SETDB1: variants seen among roughly 807,000 people sequenced by gnomAD.
SETDB1 encodes SET domain bifurcated histone lysine methyltransferase 1, also known as histone-lysine N-methyltransferase SETDB1.
Under a neutral mutation model 137.4 loss-of-function variants are expected in SETDB1, and 31 were observed. That is an observed-to-expected ratio of 0.23 (90% CI 0.17 to 0.30). SETDB1 has a LOEUF of 0.30. Among genes scored for constraint, SETDB1 ranks in the 10% least tolerant of loss-of-function variants. SETDB1 has a pLI of 1.00. For missense variants in SETDB1, 1,113 were observed against 1,631.5 expected (o/e 0.68, Z 5.47); for synonymous variants, 548 against 579.9 (o/e 0.95, Z 0.79).
chr1:150,940,896 G>A (rs1670120603), intron 4 of SETDB1, among the ~76,000 whole-genome samples: 2 of 152,076 alleles, frequency 1.3e-5, no homozygotes, highest in Admixed American at 1.3e-4. Flanking sequence ...TGCTTTGGAG[G>A]TTGAGACAGG....
intron 4 of SETDB1, 86 bp downstream of exon 4, chr1:150,940,060 T>G: frequency 2.2e-6 from 2 of 899,232 alleles, no homozygotes; most frequent in East Asian, 2.4e-5. Flanking sequence ...TCAGTTTAGC[T>G]GTCAGTATCT....
Position 150,927,962 on chromosome 1 carries a change from A to C in SETDB1, c.248A>C (p.Asp83Ala). Residue 83 changes from aspartate (D) to alanine (A), a missense_variant, in exon 2 of 22, where the codon GAT becomes GCT. Transcript: ENST00000692827. ...GTGGCTCACGTTGACCAACTCTTTG[A>C]TGATGCATCCAGGTGAGAACTCCAT... is the stretch of plus-strand genomic sequence containing the variant. The part of the protein sequence containing the change: ...SEVAHVDQLF[D>A]DASRAVTNCE... The C allele has an allele frequency of 6.2e-7, 1 of 1,614,206 alleles. No homozygotes were observed. The highest frequency in any genetic ancestry group is 8.5e-7 in the Non-Finnish European group (1 of 1,180,010).
chr1:150,963,278 C>A, intron 19 of SETDB1, 139 bp downstream of exon 19: 4 of 804,460 alleles, frequency 5.0e-6, no homozygotes, highest in Non-Finnish European at 5.9e-6. Flanking sequence ...GGCTTTCTGA[C>A]TCCAAGCTAA....
intron 15 of SETDB1, among the ~76,000 whole-genome samples, chr1:150,959,995 C>G (rs909286866): frequency 6.6e-6 from 1 of 151,838 alleles, no homozygotes; most frequent in African/African-American, 2.4e-5. Context: ...ATCACTTGAA[C>G]CCTTGAGGCA....
chr1:150,940,552 A>G (rs1484726120), intron 4 of SETDB1, among the ~76,000 whole-genome samples: 1 of 148,892 alleles, frequency 6.7e-6, no homozygotes, highest in Non-Finnish European at 1.5e-5. Context: ...TGGGGGACAG[A>G]GCAAGACTCT....
rs190179197 is a variant in SETDB1, at chr1:150,927,513, G to A, written c.-11-191G>A. Among the ~76,000 whole-genome samples the A allele has an allele frequency of 5.9e-5, 9 of 152,254 alleles. No homozygotes were observed. The South Asian group carries it at 1.5e-3, about 25-fold the overall frequency. On this transcript the variant is annotated intron_variant, in intron 1 of 21. Transcript: ENST00000692827. ...TTAAATCTTTTTCAGGAGTGTTAGC[G>A]TACAGCAGAAGATAAGAACTCTTAA...
At chr1:150,946,589 C>T (rs1210340011) in intron 9 of SETDB1, among the ~76,000 whole-genome samples, 1 of 152,094 alleles carries the variant, frequency 6.6e-6, no homozygotes, top group Non-Finnish European at 1.5e-5. Flanking sequence ...ACTGGGATTA[C>T]AGGCATGCGC....
rs181959062 is a variant in SETDB1, at chr1:150,935,520, C to T, written c.413-4420C>T. Among the ~76,000 whole-genome samples, 51 of 152,080 alleles carry T rather than the reference C, an allele frequency of 3.4e-4. No homozygotes were observed. The East Asian group carries it at 9.6e-3, about 29-fold the overall frequency. On this transcript the variant is annotated intron_variant, in intron 3 of 21. Transcript: ENST00000692827. ...TTGACATTCATCTTTTCACAAGTCT[C>T]TGAAGCTTTGTTCATTTTTCTTCAA...
At chr1:150,944,851 G>A in intron 8 of SETDB1, 67 bp from the exon 9 acceptor site, 1 of 1,560,070 alleles carries the variant, frequency 6.4e-7, no homozygotes, top group African/African-American at 1.4e-5. Flanking sequence ...ATGTCTCCTG[G>A]CCAAGTCTTT....
chr1:150,962,820 T>TA, intron 18 of SETDB1, 101 bp downstream of exon 18: 2 of 1,473,028 alleles, frequency 1.4e-6, no homozygotes, highest in Non-Finnish European at 1.9e-6. Flanking sequence ...TTCTCCTACT[T>TA]CTTTAGCCTT....
chr1:150,962,888 T>C, intron 18 of SETDB1, 86 bp from the exon 19 acceptor site: 1 of 1,536,666 alleles, frequency 6.5e-7, no homozygotes, highest in Non-Finnish European at 8.9e-7. Context: ...CCACCGCCCT[T>C]TCCTGCCAAA....
chr1:150,960,493 A>C, intron 15 of SETDB1, 70 bp from the exon 16 acceptor site: 2 of 1,356,380 alleles, frequency 1.5e-6, no homozygotes, highest in Non-Finnish European at 2.0e-6. Context: ...AAAAAAAAAA[A>C]AAGCAAACAA....
chr1:150,935,555 T>A (rs897142154), intron 3 of SETDB1, among the ~76,000 whole-genome samples: 4 of 152,176 alleles, frequency 2.6e-5, no homozygotes, highest in African/African-American at 7.2e-5. Context: ...ATTTTCTCTC[T>A]GTGCTTTGGA....
At chr1:150,953,502 G>C (rs1670554492) in intron 14 of SETDB1, among the ~76,000 whole-genome samples, 1 of 150,440 alleles carries the variant, frequency 6.6e-6, no homozygotes, top group African/African-American at 2.4e-5. Flanking sequence ...CTCCAGCCTG[G>C]GCAAGAAAAG....
At chr1:150,948,930 G>T (rs971905337) in intron 10 of SETDB1, among the ~76,000 whole-genome samples, 192 bp from the exon 11 acceptor site, 2 of 151,952 alleles carry the variant, frequency 1.3e-5, no homozygotes, top group Non-Finnish European at 2.9e-5. Flanking sequence ...TGTTGGCCAG[G>T]CTGGTCTCAA....
chr1:150,937,056 C>T (rs912238941), intron 3 of SETDB1, among the ~76,000 whole-genome samples: 4 of 152,100 alleles, frequency 2.6e-5, no homozygotes, highest in African/African-American at 4.8e-5. Flanking sequence ...ACCCGGGAGG[C>T]GGAGGTTGCT....
rs1407672045 is a variant in SETDB1 at position 150,960,657 on chromosome 1, C to T, written c.2598C>T (p.Asn866=). 6.2e-7 allele frequency: 1 copy of T among 1,613,884 alleles called. No homozygotes were observed. Among genetic ancestry groups the T allele is most frequent in the Non-Finnish European group, 8.5e-7 (1 of 1,179,946 alleles). The change falls in exon 16 of 22, where the codon AAC becomes AAT. Residue 866 remains asparagine, a synonymous_variant. Coordinates refer to ENST00000692827, the MANE Select transcript of SETDB1 (RefSeq NM_001366418.1). ...TGGACCATATCGAGAGCGTGGAGAA[C>T]TTCAAAGAAGGATATGAGAGTGATG... is the stretch of plus-strand genomic sequence containing the variant. The part of the protein sequence containing the change: ...ANLDHIESVE[N]FKEGYESDAP...
chr1:150,963,261 C>T, intron 19 of SETDB1, 122 bp downstream of exon 19: 1 of 912,688 alleles, frequency 1.1e-6, no homozygotes, highest in South Asian at 1.7e-5. Flanking sequence ...TGGAGCATCT[C>T]TGGGAGGGCT....
At chr1:150,949,602 A>C in intron 12 of SETDB1, 77 bp downstream of exon 12, 1 of 1,333,468 alleles carries the variant, frequency 7.5e-7, no homozygotes. Context: ...CTTGGCTGTA[A>C]GCGAAGGGCT....
Sources: gnomAD v4.1 joint callset for allele counts (sites outside exome capture counted in the v4.1 genomes callset) on GRCh38, gnomAD v4.1.1 for gene constraint, MANE v1.5 for transcripts, NCBI Gene and HGNC (gene_info 2026-07-23, HGNC 2026-07-21) for gene names.